The following STRN variants were observed in gnomAD, a reference collection of about 807,000 sequenced individuals.
STRN encodes the protein protein phosphatase 2 regulatory subunit B'''alpha.
In STRN, 53 loss-of-function variants were observed where a neutral mutation model predicts 96.3. That is an observed-to-expected ratio of 0.55 (90% confidence interval 0.44 to 0.69). The LOEUF is 0.69. STRN is among the 30% of genes least tolerant of loss of function. STRN has a pLI of 0.00. For missense variants in STRN, 987 were observed against 963.9 expected (o/e 1.02, Z -0.32); for synonymous variants, 428 against 355.9 (o/e 1.20, Z -2.28).
chr2:36,938,159 C>T lies in STRN; in HGVS notation c.235-12951G>A, dbSNP rs1318037721. Among the ~76,000 whole-genome samples the T allele has an allele frequency of 9.2e-5, 14 of 152,250 alleles. No individual in the cohort carries two copies. The East Asian group carries it at 2.3e-3, about 25-fold the overall frequency. On this transcript the variant is annotated intron_variant, in intron 1 of 17. Transcript: ENST00000263918. ...TTAAGAAATTGGCCAGGCGTGGTGG[C>T]TCACACTAGTAATATCAGCATTTTG...
chr2:36,960,060 A>G (rs757825191), intron 1 of STRN, among the ~76,000 whole-genome samples: 4 of 152,252 alleles, frequency 2.6e-5, no homozygotes, highest in Admixed American at 6.5e-5. Context: ...GAGTAGAATG[A>G]AAAATGAACC....
intron 1 of STRN, among the ~76,000 whole-genome samples, chr2:36,947,683 G>C (rs1664619463): frequency 6.6e-6 from 1 of 151,382 alleles, no homozygotes; most frequent in African/African-American, 2.4e-5. Context: ...TGGGAGTTGG[G>C]AAATTCCTAC....
chr2:36,881,568 T>C (rs568350557), intron 9 of STRN, among the ~76,000 whole-genome samples: 18 of 152,366 alleles, frequency 1.2e-4, no homozygotes, highest in African/African-American at 4.3e-4. Context: ...AATCTATCTC[T>C]TAAATGTTTT....
At chr2:36,952,060 C>A (rs1664767293) in intron 1 of STRN, among the ~76,000 whole-genome samples, 1 of 152,228 alleles carries the variant, frequency 6.6e-6, no homozygotes, top group Non-Finnish European at 1.5e-5. Flanking sequence ...CGCACGCACA[C>A]ACACACACAA....
intron 1 of STRN, among the ~76,000 whole-genome samples, chr2:36,929,548 C>G (rs932155555): frequency 6.6e-6 from 1 of 152,130 alleles, no homozygotes; most frequent in Non-Finnish European, 1.5e-5. Context: ...CCACGCCAAG[C>G]TAATTTTTGT....
intron 1 of STRN, 47 bp downstream of exon 1, chr2:36,966,183 G>A (rs1216029947): frequency 6.8e-7 from 1 of 1,480,086 alleles, no homozygotes; most frequent in Non-Finnish European, 9.0e-7. Context: ...GGGGCGGAAG[G>A]GAGCAAAGAG....
intron 7 of STRN, among the ~76,000 whole-genome samples, chr2:36,887,451 C>A (rs1669270692): frequency 6.6e-6 from 1 of 151,576 alleles, no homozygotes; most frequent in African/African-American, 2.4e-5. Flanking sequence ...GCCTGGGCAA[C>A]AGGAGCAAAA....
chr2:36,870,295 T>C (rs1400812436), intron 10 of STRN, among the ~76,000 whole-genome samples: 2 of 28,256 alleles, frequency 7.1e-5, no homozygotes, highest in Non-Finnish European at 3.0e-4. Context: ...ATCTCAAAAA[T>C]GAAAAAAAAA....
Position 36,838,025 on chromosome 2 carries a change from G to C in STRN, c.*11431C>G, listed in dbSNP as rs535359679. 3.3e-5 allele frequency among the ~76,000 whole-genome samples: 5 copies of C among 152,210 alleles called. No homozygotes were observed. Among genetic ancestry groups the C allele is most frequent in the Non-Finnish European group, 7.3e-5 (5 of 68,038 alleles). ...GTTACATTGCAGGGCAGAGGGACTT[G>C]GCAGATGTAATTAAAGCTACTAATC... On this transcript the variant is annotated 3_prime_UTR_variant, in exon 18 of 18. Transcript: ENST00000263918.
At chr2:36,903,718 T>C (rs1030290669) in intron 4 of STRN, among the ~76,000 whole-genome samples, 1 of 152,222 alleles carries the variant, frequency 6.6e-6, no homozygotes, top group Non-Finnish European at 1.5e-5. Flanking sequence ...CAGAAATATA[T>C]GTGATCAAAG....
Position 36,838,521 on chromosome 2 carries a change from A to C in STRN, c.*10935T>G, listed in dbSNP as rs1667871581. On this transcript the variant is annotated 3_prime_UTR_variant, in exon 18 of 18. Coordinates refer to ENST00000263918, the MANE Select transcript of STRN (RefSeq NM_003162.4). ...TAAAATAACACTGAAAAATCACTAC[A>C]TCCACCAGGATTTTTTTCTTTTTTC... is the stretch of plus-strand genomic sequence containing the variant. Among the ~76,000 whole-genome samples the C allele has an allele frequency of 6.6e-6, 1 of 152,162 alleles. No homozygotes were observed. Among genetic ancestry groups the C allele is most frequent in the Non-Finnish European group, 1.5e-5 (1 of 68,014 alleles).
At chr2:36,915,435 C>CTACTAATA (rs1410793435) in intron 3 of STRN, among the ~76,000 whole-genome samples, 1 of 151,100 alleles carries the variant, frequency 6.6e-6, no homozygotes. Context: ...TTCCCTAATA[C>CTACTAATA]CTACTAATAA....
chr2:36,853,142 G>T (rs1668261916), intron 15 of STRN, among the ~76,000 whole-genome samples: 1 of 139,538 alleles, frequency 7.2e-6, no homozygotes, highest in African/African-American at 2.5e-5. Context: ...GGGCAACAGA[G>T]CGAGACTCTG....
intron 2 of STRN, among the ~76,000 whole-genome samples, chr2:36,923,255 T>A (rs552400774): frequency 7.3e-5 from 11 of 151,242 alleles, no homozygotes; most frequent in African/African-American, 2.7e-4. Context: ...TCGAGACCAG[T>A]CTGACCAATA....
rs995545983 is a variant in STRN at position 36,881,145 on chromosome 2, T to A, written c.1186+2787A>T. On this transcript the variant is annotated intron_variant, in intron 9 of 17. Transcript: ENST00000263918. Reference sequence around the variant, plus strand: ...TTTTTTTTTTTTTTTTTTTTTTTTTTAAGACAGAATCTCACTCTGTCACCC... The same window carrying A: ...TTTTTTTTTTTTTTTTTTTTTTTTTAAAGACAGAATCTCACTCTGTCACCC... Among the ~76,000 whole-genome samples, 59 of 56,156 alleles carry A rather than the reference T, an allele frequency of 1.1e-3. 2 individuals are homozygous for A. The highest frequency in any genetic ancestry group is 0.033 in the Middle Eastern group (2 of 60). 36.8% of individuals were successfully genotyped at this position (56,156 alleles called of 152,430 possible).
intron 1 of STRN, among the ~76,000 whole-genome samples, chr2:36,933,635 T>G (rs772398477): frequency 5.3e-5 from 8 of 152,090 alleles, no homozygotes; most frequent in Non-Finnish European, 1.0e-4. Context: ...TTTTTGGAAG[T>G]TTTTTTGAGA....
At chr2:36,891,056 A>G (rs1278043203) in intron 7 of STRN, among the ~76,000 whole-genome samples, 1 of 152,122 alleles carries the variant, frequency 6.6e-6, no homozygotes, top group Non-Finnish European at 1.5e-5. Context: ...GCACCCCCCA[A>G]TCCAAAAATC....
Position 36,961,833 on chromosome 2 carries a change from C to A in STRN, c.234+4397G>T, listed in dbSNP as rs1665036460. 2.6e-5 allele frequency among the ~76,000 whole-genome samples: 4 copies of A among 152,166 alleles called. No homozygotes were observed. The South Asian group carries it at 8.3e-4, about 32-fold the overall frequency. On this transcript the variant is annotated intron_variant, in intron 1 of 17. Coordinates refer to ENST00000263918, the MANE Select transcript of STRN (RefSeq NM_003162.4). ...CATTAGTACCTGTTTGACATGACTT[C>A]TTCCATTCTCTTCCTCTACTCTAGC... is the stretch of plus-strand genomic sequence containing the variant.
intron 3 of STRN, among the ~76,000 whole-genome samples, chr2:36,907,222 G>C (rs1381675497): frequency 1.3e-5 from 2 of 152,034 alleles, no homozygotes; most frequent in African/African-American, 2.4e-5. Flanking sequence ...GATACAATAG[G>C]GACTGGAAAA....
Sources: gnomAD v4.1 joint callset for allele counts (sites outside exome capture counted in the v4.1 genomes callset) on GRCh38, gnomAD v4.1.1 for gene constraint, MANE v1.5 for transcripts, NCBI Gene and HGNC (gene_info 2026-07-23, HGNC 2026-07-21) for gene names.